Variants in THAP6 observed in about 807,000 individuals in gnomAD.
THAP6 encodes the protein THAP domain containing 6, also known as THAP domain-containing protein 6.
Under a neutral mutation model 20.0 loss-of-function variants are expected in THAP6, and 13 were observed. That is an observed-to-expected ratio of 0.65 (90% CI 0.42 to 1.03). The LOEUF is 1.03. Ranked by LOEUF, THAP6 falls within the 50% of genes least tolerant of loss-of-function variation. The pLI, the probability that THAP6 is intolerant of heterozygous loss-of-function variation, is 0.00. For missense variants in THAP6, 262 were observed against 261.6 expected (o/e 1.00, Z -0.01); for synonymous variants, 93 against 92.2 (o/e 1.01, Z -0.05).
downstream of THAP6, among the ~76,000 whole-genome samples, chr4:75,533,240 CA>C (rs1367153449): frequency 1.3e-5 from 2 of 152,186 alleles, no homozygotes; most frequent in Non-Finnish European, 2.9e-5. Context: ...ATCTCTAGGG[CA>C]GGGGCAAAAT....
rs1258095477 is a variant in THAP6 at position 75,528,826 on chromosome 4, A to T, written c.*1612A>T. The T allele has an allele frequency of 4.2e-6, 4 of 948,574 alleles. No homozygotes were observed. The highest frequency in any genetic ancestry group is 5.0e-6 in the Non-Finnish European group (4 of 796,696). 58.8% of individuals were successfully genotyped at this position (948,574 alleles called of 1,614,324 possible). On this transcript the variant is annotated 3_prime_UTR_variant, in exon 5 of 5. Transcript: ENST00000311638. ...CACTTTGGGAGGCCAAGGCAGGCAG[A>T]TCACTTGAGGTCAGGGGTTCAAAAC...
chr4:75,517,365 AC>A, intron 3 of THAP6: 1 of 161,998 alleles, frequency 6.2e-6, no homozygotes, highest in Non-Finnish European at 1.4e-5. Context: ...ACTCTTGCTA[AC>A]ATTTTTATTG....
At chr4:75,531,590 A>G (rs1726681115), downstream of THAP6, among the ~76,000 whole-genome samples, 1 of 152,204 alleles carries the variant, frequency 6.6e-6, no homozygotes, top group African/African-American at 2.4e-5. Flanking sequence ...AAGAAGCTAT[A>G]TTAATCCGTT....
At position 75,521,830 on chromosome 4, in the gene THAP6, G is replaced by A. The variant is rs1295832732; in HGVS notation, c.383G>A (p.Cys128Tyr). Residue 128 changes from cysteine to tyrosine, a missense_variant, in exon 4 of 5, where the codon TGT becomes TAT. Physicochemically the swap from Cys to Tyr is radical, Grantham distance 194. Coordinates refer to ENST00000311638, the MANE Select transcript of THAP6 (RefSeq NM_144721.6). ...YNHHLVGASS[C>Y]IEEFQSQFIF... Reference sequence around the variant, plus strand: ...CACCATCTTGTTGGTGCTTCCTCATGTATTGAAGAATTCCAATCCCAGTTC... The same window carrying A: ...CACCATCTTGTTGGTGCTTCCTCATATATTGAAGAATTCCAATCCCAGTTC... The A allele has an allele frequency of 8.1e-6, 13 of 1,613,316 alleles. No homozygotes were observed. The highest frequency in any genetic ancestry group is 4.0e-5 in the African/African-American group (3 of 74,868).
intron 1 of THAP6, 110 bp downstream of exon 1, chr4:75,514,630 A>C (rs891276183): frequency 9.0e-6 from 2 of 221,480 alleles, no homozygotes; most frequent in African/African-American, 4.5e-5. Context: ...GGTTGGCCCC[A>C]GAGGAAAGGA....
chr4:75,514,424 G>A, upstream of THAP6: 3 of 969,490 alleles, frequency 3.1e-6, no homozygotes, highest in Non-Finnish European at 2.9e-6. Context: ...CACGTGACCC[G>A]GGGCAGACGG....
In THAP6 at chr4:75,539,900, A is replaced by G. The variant is rs751241139; in HGVS notation, c.166-2509A>G. 8.5e-6 allele frequency: 13 copies of G among 1,536,012 alleles called. No homozygotes were observed. In the South Asian group the frequency reaches 1.4e-4, roughly 17 times the overall value. On this transcript the variant is annotated intron_variant, in intron 2 of 4. Transcript: ENST00000502620. ...AACAAGAACAGGAAGAAGAACAAAA[A>G]CCAAGAAGAGAGAAATGCATTTCAT...
At chr4:75,523,175 G>A (rs1039864847) in intron 4 of THAP6, among the ~76,000 whole-genome samples, 33 of 152,162 alleles carry the variant, frequency 2.2e-4, no homozygotes, top group African/African-American at 7.5e-4. Context: ...TTGTAGATTT[G>A]ATTTGCATTT....
chr4:75,526,929 T>A (rs1030179664), intron 4 of THAP6, 31 bp from the exon 5 acceptor site: 17 of 1,602,920 alleles, frequency 1.1e-5, no homozygotes, highest in Non-Finnish European at 1.4e-5. Flanking sequence ...CATATCTGTC[T>A]GATTTAATAA....
chr4:75,533,766 T>A (rs547725101), downstream of THAP6, among the ~76,000 whole-genome samples: 165 of 144,836 alleles, frequency 1.1e-3, no homozygotes, highest in South Asian at 2.3e-3. Flanking sequence ...TTTTTTCAAA[T>A]TTTTTTTTAT....
chr4:75,526,997 T>C lies in THAP6; in HGVS notation c.452T>C (p.Leu151Pro), dbSNP rs1429513255. 4.3e-6 allele frequency: 7 copies of C among 1,613,974 alleles called. No homozygotes were observed. In the East Asian group the frequency reaches 1.1e-4, roughly 26 times the overall value. The change falls in exon 5 of 5, where the codon CTT becomes CCT. Residue 151 changes from leucine (L) to proline (P), a missense_variant. Coordinates refer to ENST00000311638, the MANE Select transcript of THAP6 (RefSeq NM_144721.6). ...SYSVMDSPKK[L>P]KHKLDHVIGE... ...AGTGTAATGGACAGTCCAAAGAAAC[T>C]TAAGCATAAATTAGATCATGTGATC...
rs1726488468 is a variant in THAP6 at position 75,528,016 on chromosome 4, C to T, written c.*802C>T. ...TTTAAAATCTGAATGGCAGTACTAG[C>T]TCTATACTTTTAATACTGCTTTGTA... On this transcript the variant is annotated 3_prime_UTR_variant, in exon 5 of 5. Transcript: ENST00000311638. The T allele has an allele frequency of 1.0e-6, 1 of 985,088 alleles. No individual in the cohort carries two copies. Among genetic ancestry groups the T allele is most frequent in the Non-Finnish European group, 1.2e-6 (1 of 829,738 alleles). The allele number at this position is 985,088 out of a possible 1,614,324, so 61.0% of individuals were successfully genotyped here. A position where few individuals can be genotyped will look rare whatever the true frequency, so the allele number is the denominator to read the frequency against.
rs972744574 is a variant in THAP6 at position 75,528,731 on chromosome 4, GA to G, written c.*1525del. ...CTGAGGCCATATCTTTTTACAATCT[GA>G]AAAAAAAGTAGTAAAAAGGTAGTTA... On this transcript the variant is annotated 3_prime_UTR_variant, in exon 5 of 5. Transcript: ENST00000311638. 19 of 814,280 alleles carry G rather than the reference GA, an allele frequency of 2.3e-5. 1 individual carries two copies. Among genetic ancestry groups the G allele is most frequent in the East Asian group, 1.3e-4 (1 of 7,504 alleles). 50.4% of individuals were successfully genotyped at this position (814,280 alleles called of 1,614,324 possible). A position where few individuals can be genotyped will look rare whatever the true frequency, so the allele number is the denominator to read the frequency against.
Position 75,527,206 on chromosome 4 carries a change from A to G in THAP6, c.661A>G (p.Ile221Val). 6.3e-7 allele frequency: 1 copy of G among 1,597,102 alleles called. No homozygotes were observed. Among genetic ancestry groups the G allele is most frequent in the African/African-American group, 1.3e-5 (1 of 74,408 alleles). ...TCAGGAGAGCATAGAACAGGACTAT[A>G]TTTCATGAAATAATTTCATGTTACG... The part of the protein sequence containing the change: ...CCQESIEQDY[I>V]S Residue 221 changes from isoleucine to valine, a missense_variant, in exon 5 of 5, where the codon ATT becomes GTT. Coordinates refer to ENST00000311638, the MANE Select transcript of THAP6 (RefSeq NM_144721.6).
chr4:75,515,634 CT>C, intron 2 of THAP6, 102 bp downstream of exon 2: 2 of 1,058,328 alleles, frequency 1.9e-6, no homozygotes, highest in Non-Finnish European at 1.4e-6. Flanking sequence ...TTCCCGAGTC[CT>C]TTTTAAATAA....
chr4:75,528,567 A>G lies in THAP6; in HGVS notation c.*1353A>G, dbSNP rs1048907819. The G allele has an allele frequency of 1.0e-6, 1 of 982,176 alleles. No individual in the cohort carries two copies. Among genetic ancestry groups the G allele is most frequent in the African/African-American group, 1.8e-5 (1 of 57,120 alleles). The allele number at this position is 982,176 out of a possible 1,614,324, so 60.8% of individuals were successfully genotyped here. ...TTTTGTTACATTAATATTAGTTAAG[A>G]TATGGTCACTTGAATTTTTTGTATT... On this transcript the variant is annotated 3_prime_UTR_variant, in exon 5 of 5. Transcript: ENST00000311638.
At chr4:75,545,727 G>C (rs1727111890) in intron 3 of THAP6, among the ~76,000 whole-genome samples, 1 of 152,230 alleles carries the variant, frequency 6.6e-6, no homozygotes, top group African/African-American at 2.4e-5. Flanking sequence ...TGAGAAGAAT[G>C]CCTCTCCCAG....
intron 2 of THAP6, among the ~76,000 whole-genome samples, chr4:75,539,385 G>C (rs1196855125): frequency 6.6e-6 from 1 of 152,146 alleles, no homozygotes; most frequent in Admixed American, 6.5e-5. Flanking sequence ...TAGTGTGAGA[G>C]AACAACAGGA....
chr4:75,542,133 C>T (rs552846663), intron 2 of THAP6, among the ~76,000 whole-genome samples: 160 of 152,238 alleles, frequency 1.1e-3, no homozygotes, highest in Non-Finnish European at 2.0e-3. Context: ...CCCCTGCCAG[C>T]CCAACTATTT....
Sources: gnomAD v4.1 joint callset for allele counts (sites outside exome capture counted in the v4.1 genomes callset) on GRCh38, gnomAD v4.1.1 for gene constraint, MANE v1.5 for transcripts, NCBI Gene and HGNC (gene_info 2026-07-23, HGNC 2026-07-21) for gene names.